CNTNAP2: variants seen among roughly 807,000 people sequenced by gnomAD.
CNTNAP2 encodes the protein contactin-associated protein-like 2.
A neutral mutation model predicts 155.2 loss-of-function variants in CNTNAP2; 98 were observed. The ratio of observed to expected loss-of-function variants is 0.63; its 90% CI spans 0.54 to 0.75. The LOEUF is 0.75. Ranked by LOEUF, CNTNAP2 falls within the 30% of genes least tolerant of loss-of-function variation. The probability of loss-of-function intolerance (pLI) is 0.00; values close to 1 mark genes in which losing one functional copy is unlikely to be tolerated. For synonymous variants in CNTNAP2, 651 were observed against 631.2 expected (o/e 1.03, Z -0.47); for missense variants, 1,727 against 1,688.1 (o/e 1.02, Z -0.40).
At chr7:147,320,643 C>G (rs1795333754) in intron 9 of CNTNAP2, among the ~76,000 whole-genome samples, 1 of 152,144 alleles carries the variant, frequency 6.6e-6, no homozygotes, top group African/African-American at 2.4e-5. Flanking sequence ...AACCTGTTTA[C>G]TGTGAAATAC....
chr7:147,641,111 C>T (rs1417738050), intron 13 of CNTNAP2, among the ~76,000 whole-genome samples: 1 of 152,202 alleles, frequency 6.6e-6, no homozygotes, highest in Admixed American at 6.5e-5. Context: ...CACATCAAAG[C>T]TTGCCGGCCT....
intron 4 of CNTNAP2, among the ~76,000 whole-genome samples, chr7:147,060,925 C>T (rs529567492): frequency 1.3e-5 from 2 of 152,044 alleles, no homozygotes; most frequent in Non-Finnish European, 2.9e-5. Context: ...AAATACTAAT[C>T]ATATTTCTGA....
intron 1 of CNTNAP2, among the ~76,000 whole-genome samples, chr7:146,271,252 A>G (rs1338823499): frequency 2.6e-5 from 4 of 152,050 alleles, no homozygotes; most frequent in African/African-American, 7.2e-5. Flanking sequence ...AAATTTATGT[A>G]TACATTTTAT....
At chr7:147,286,497 C>T (rs185313161) in intron 8 of CNTNAP2, among the ~76,000 whole-genome samples, 1,517 of 151,646 alleles carry the variant, frequency 0.01, 10 homozygotes, top group Non-Finnish European at 0.016. Context: ...ATAGAAAAAA[C>T]GGAACGTAAG....
intron 15 of CNTNAP2, among the ~76,000 whole-genome samples, chr7:147,980,867 C>A (rs112828750): frequency 7.3e-6 from 1 of 137,594 alleles, no homozygotes; most frequent in Admixed American, 8.5e-5. Context: ...GGAGGCGGAG[C>A]TTGCAGTGAG....
intron 1 of CNTNAP2, among the ~76,000 whole-genome samples, chr7:146,409,040 T>C (rs892812354): frequency 6.6e-6 from 1 of 152,130 alleles, no homozygotes; most frequent in Non-Finnish European, 1.5e-5. Flanking sequence ...ATCCTACAAC[T>C]TAGAATATGG....
At chr7:146,254,191 A>G (rs1463349007) in intron 1 of CNTNAP2, among the ~76,000 whole-genome samples, 1 of 152,050 alleles carries the variant, frequency 6.6e-6, no homozygotes, top group Non-Finnish European at 1.5e-5. Flanking sequence ...TAGTTTTATC[A>G]GAATACACAT....
At chr7:146,347,363 G>A (rs1410037806) in intron 1 of CNTNAP2, among the ~76,000 whole-genome samples, 1 of 152,062 alleles carries the variant, frequency 6.6e-6, no homozygotes. Context: ...TCCCTGTTGG[G>A]AAAGCAACAG....
chr7:148,077,503 A>T (rs2116540871), intron 15 of CNTNAP2, among the ~76,000 whole-genome samples: 1 of 152,340 alleles, frequency 6.6e-6, no homozygotes, highest in African/African-American at 2.4e-5. Flanking sequence ...TGCATGGCAC[A>T]GACCATAAAG....
At chr7:147,441,813 T>TTCTCTTTCTCTCTCTC (rs1797640060) in intron 10 of CNTNAP2, among the ~76,000 whole-genome samples, 2 of 102,114 alleles carry the variant, frequency 2.0e-5, no homozygotes, top group East Asian at 7.3e-4. Flanking sequence ...TGTAGTCTCT[T>TTCTCTTTCTCTCTCTC]TCTCTCTCTC....
intron 1 of CNTNAP2, among the ~76,000 whole-genome samples, chr7:146,721,971 C>T (rs1801344672): frequency 6.8e-6 from 1 of 146,366 alleles, no homozygotes; most frequent in African/African-American, 2.7e-5. Context: ...TCACTGCAAC[C>T]TCCACCTCCT....
intron 3 of CNTNAP2, among the ~76,000 whole-genome samples, chr7:146,961,507 G>A (rs1307156634): frequency 6.6e-6 from 1 of 152,088 alleles, no homozygotes. Flanking sequence ...CTCTCTAAGG[G>A]TAACTTTCTT....
intron 15 of CNTNAP2, among the ~76,000 whole-genome samples, chr7:148,019,061 C>T (rs1802231022): frequency 1.3e-5 from 2 of 152,192 alleles, no homozygotes; most frequent in South Asian, 4.1e-4. Flanking sequence ...TCTCCCACAG[C>T]CTGGTACAGT....
intron 16 of CNTNAP2, among the ~76,000 whole-genome samples, chr7:148,136,898 C>A (rs1273127763): frequency 1.3e-5 from 2 of 152,138 alleles, no homozygotes; most frequent in African/African-American, 4.8e-5. Context: ...ATGTTTTATG[C>A]AATCTATACA....
chr7:147,500,772 AAG>A (rs1798795348), intron 11 of CNTNAP2, among the ~76,000 whole-genome samples: 1 of 152,218 alleles, frequency 6.6e-6, no homozygotes, highest in African/African-American at 2.4e-5. Flanking sequence ...AATTCTCAAT[AAG>A]AGAGAAGAAC....
chr7:147,255,773 G>A (rs909216129), intron 8 of CNTNAP2, among the ~76,000 whole-genome samples: 15 of 151,794 alleles, frequency 9.9e-5, no homozygotes, highest in Non-Finnish European at 1.5e-4. Context: ...TTGAGCCTTC[G>A]TCACCCAGGC....
At chr7:147,156,949 C>T (rs537771755) in intron 8 of CNTNAP2, among the ~76,000 whole-genome samples, 7 of 152,166 alleles carry the variant, frequency 4.6e-5, no homozygotes, top group Admixed American at 3.3e-4. Context: ...AATACTTGTG[C>T]TTGTTTACCC....
intron 3 of CNTNAP2, among the ~76,000 whole-genome samples, chr7:146,882,699 G>A (rs1442160966): frequency 6.6e-6 from 1 of 152,138 alleles, no homozygotes; most frequent in Non-Finnish European, 1.5e-5. Flanking sequence ...AATATACTCA[G>A]TAATGGGATT....
Position 147,903,574 on chromosome 7 carries a change from C to T in CNTNAP2, c.2108C>T (p.Pro703Leu), listed in dbSNP as rs745885800. 1 of 1,614,182 alleles carries T rather than the reference C, an allele frequency of 6.2e-7. No individual in the cohort carries two copies. The highest frequency in any genetic ancestry group is 1.1e-5 in the South Asian group (1 of 91,086). ...SRLLNTPDGS[P>L]YTWWVGKANE... ...TTGCCTTTTCTTGTAGATGGAAGCC[C>T]TTACACTTGGTGGGTTGGCAAAGCC... The change falls in exon 14 of 24, where the codon CCT (proline) becomes CTT (leucine). Residue 703 changes from proline (P) to leucine (L), a missense_variant. Coordinates refer to ENST00000361727, the MANE Select transcript of CNTNAP2 (RefSeq NM_014141.6).
Sources: gnomAD v4.1 joint callset for allele counts (sites outside exome capture counted in the v4.1 genomes callset) on GRCh38, gnomAD v4.1.1 for gene constraint, MANE v1.5 for transcripts, NCBI Gene and HGNC (gene_info 2026-07-23, HGNC 2026-07-21) for gene names.